RNF168: variants seen among roughly 807,000 people sequenced by gnomAD.
The protein encoded by RNF168 is E3 ubiquitin-protein ligase RNF168.
Under a neutral mutation model 34.9 loss-of-function variants are expected in RNF168, and 34 were observed. The observed-to-expected ratio is 0.97, with a 90% CI of 0.74 to 1.30. RNF168 has a LOEUF of 1.30. Ranked by LOEUF, RNF168 falls within the 50% of genes most tolerant of loss-of-function variation. The pLI, the probability that RNF168 is intolerant of heterozygous loss-of-function variation, is 0.00. For synonymous variants in RNF168, 264 were observed against 254.7 expected (o/e 1.04, Z -0.35); for missense variants, 725 against 682.5 (o/e 1.06, Z -0.69).
chr3:196,488,663 G>A lies in RNF168; in HGVS notation c.322C>T (p.Arg108Cys). The change falls in exon 2 of 6, where the codon CGT (arginine) becomes TGT (cysteine). Residue 108 changes from arginine (R) to cysteine (C), a missense_variant. Transcript: ENST00000318037. ...AGTTCCCCAGGTTTACTGAGCAGAC[G>A]AACTGGCTGATAGTCATCAGCTATT... Reference protein sequence around the residue: ...EEVADDYQPVRLLSKPGELRR... With the variant: ...EEVADDYQPVCLLSKPGELRR... 5 of 1,605,026 alleles carry A rather than the reference G, an allele frequency of 3.1e-6. No homozygotes were observed. Among genetic ancestry groups the A allele is most frequent in the East Asian group, 2.2e-5 (1 of 44,750 alleles).
At position 196,471,240 on chromosome 3, in the gene RNF168, C is replaced by CCCACATAT. The variant is rs2108643421; in HGVS notation, c.*571_*578dup. Reference sequence around the variant, plus strand: ...AAAAAAAAAAAAAAATCTGGGATTTCCCACATATGAATATGAATCCAAATT... The same window carrying CCCACATAT: ...AAAAAAAAAAAAAAATCTGGGATTTCCCACATATCCACATATGAATATGAATCCAAATT... On this transcript the variant is annotated 3_prime_UTR_variant, in exon 6 of 6. Coordinates refer to ENST00000318037, the MANE Select transcript of RNF168 (RefSeq NM_152617.4). 7.2e-6 allele frequency: 1 copy of CCCACATAT among 139,212 alleles called. No individual in the cohort carries two copies. Among genetic ancestry groups the CCCACATAT allele is most frequent in the South Asian group, 2.3e-4 (1 of 4,258 alleles). The allele number at this position is 139,212 out of a possible 1,614,324, so 8.6% of individuals were successfully genotyped here.
intron 3 of RNF168, among the ~76,000 whole-genome samples, chr3:196,485,547 T>C (rs1403162820): frequency 6.6e-6 from 1 of 152,038 alleles, no homozygotes; most frequent in Non-Finnish European, 1.5e-5. Flanking sequence ...ACTCTTATAA[T>C]ACCATGGGAA....
chr3:196,469,777 A>G lies in RNF168; in HGVS notation c.*2042T>C, dbSNP rs1731955118. The G allele has an allele frequency of 6.6e-6, 1 of 152,210 alleles. No homozygotes were observed. Among genetic ancestry groups the G allele is most frequent in the African/African-American group, 2.4e-5 (1 of 41,458 alleles). The allele number at this position is 152,210 out of a possible 1,614,324, so 9.4% of individuals were successfully genotyped here. Reference sequence around the variant, plus strand: ...AAGCAGTATCAACACAAATGATCATATAAGAAAACACGTGGTTATGTTTCA... The same window carrying G: ...AAGCAGTATCAACACAAATGATCATGTAAGAAAACACGTGGTTATGTTTCA... On this transcript the variant is annotated 3_prime_UTR_variant, in exon 6 of 6. Transcript: ENST00000318037.
intron 4 of RNF168, among the ~76,000 whole-genome samples, chr3:196,480,220 G>A (rs527745206): frequency 6.6e-6 from 1 of 152,164 alleles, no homozygotes; most frequent in East Asian, 1.9e-4. Context: ...TATGTTTGCT[G>A]CTCTGTGGTC....
chr3:196,487,290 T>C (rs1732453467), intron 3 of RNF168, 109 bp downstream of exon 3: 2 of 965,686 alleles, frequency 2.1e-6, no homozygotes, highest in African/African-American at 1.6e-5. Context: ...ACAATATTTG[T>C]GGGATGCAGA....
Position 196,495,407 on chromosome 3 carries a change from C to T in RNF168, c.302-6724G>A, listed in dbSNP as rs115874770. On this transcript the variant is annotated intron_variant, in intron 1 of 5. Coordinates refer to ENST00000318037, the MANE Select transcript of RNF168 (RefSeq NM_152617.4). ...AACAACCTTTGTCCTAATCCATGTT[C>T]TAATCCAGGGTCATGCACTGCATTT... 4.5e-3 allele frequency among the ~76,000 whole-genome samples: 678 copies of T among 152,328 alleles called. 2 individuals carry two copies. The highest frequency in any genetic ancestry group is 6.8e-3 in the Middle Eastern group (2 of 294).
chr3:196,475,135 T>C, intron 5 of RNF168, 96 bp downstream of exon 5: 4 of 767,294 alleles, frequency 5.2e-6, no homozygotes, highest in East Asian at 5.3e-5. Context: ...TGATTAACTA[T>C]AGGGGCTTTT....
chr3:196,496,673 C>A (rs983892075), intron 1 of RNF168, among the ~76,000 whole-genome samples: 2 of 152,220 alleles, frequency 1.3e-5, no homozygotes, highest in African/African-American at 2.4e-5. Flanking sequence ...AATCAAACTC[C>A]TAACAGGCTG....
In RNF168 at chr3:196,471,700, T is replaced by G; in HGVS notation, c.*119A>C. 4 of 759,894 alleles carry G rather than the reference T, an allele frequency of 5.3e-6. No individual in the cohort carries two copies. The highest frequency in any genetic ancestry group is 9.4e-6 in the Non-Finnish European group (4 of 427,220). The allele number at this position is 759,894 out of a possible 1,614,324, so 47.1% of individuals were successfully genotyped here. A position where few individuals can be genotyped will look rare whatever the true frequency, so the allele number is the denominator to read the frequency against. On this transcript the variant is annotated 3_prime_UTR_variant, in exon 6 of 6. Coordinates refer to ENST00000318037, the MANE Select transcript of RNF168 (RefSeq NM_152617.4). ...TCCTTACAATCACACAGACCTTCAT[T>G]AAGGACAATGAGTGTGCCTAGAGAG...
chr3:196,486,643 G>A (rs1296850703), intron 3 of RNF168, among the ~76,000 whole-genome samples: 1 of 152,246 alleles, frequency 6.6e-6, no homozygotes, highest in African/African-American at 2.4e-5. Context: ...CAAGAAAAAA[G>A]TTGTAAGAAA....
chr3:196,478,918 G>A (rs1407857074), intron 4 of RNF168, among the ~76,000 whole-genome samples: 2 of 151,244 alleles, frequency 1.3e-5, no homozygotes, highest in Non-Finnish European at 2.9e-5. Flanking sequence ...GGACAGCCAG[G>A]CTGGTCTTGA....
At position 196,469,675 on chromosome 3, in the gene RNF168, CTGATT is replaced by C. The variant is rs1191435449; in HGVS notation, c.*2139_*2143del. 1 of 152,156 alleles carries C rather than the reference CTGATT, an allele frequency of 6.6e-6. No individual in the cohort carries two copies. The highest frequency in any genetic ancestry group is 1.5e-5 in the Non-Finnish European group (1 of 68,020). The allele number at this position is 152,156 out of a possible 1,614,324, so 9.4% of individuals were successfully genotyped here. A position where few individuals can be genotyped will look rare whatever the true frequency, so the allele number is the denominator to read the frequency against. ...TTTCACAAAATGAAATCAGTGTCTT[CTGATT>C]TAACTTTCAGGAGTAAGAAAGGGCA... On this transcript the variant is annotated 3_prime_UTR_variant, in exon 6 of 6. Transcript: ENST00000318037.
At chr3:196,475,550 TTC>T (rs1345985167) in intron 4 of RNF168, among the ~76,000 whole-genome samples, 246 of 85,278 alleles carry the variant, frequency 2.9e-3, no homozygotes, top group African/African-American at 0.016. Flanking sequence ...TAAATATTTT[TTC>T]TTTTTTTTTT....
Position 196,503,154 on chromosome 3 carries a change from G to A in RNF168, c.20C>T (p.Ala7Val), listed in dbSNP as rs1732945504. The A allele has an allele frequency of 6.2e-7, 1 of 1,614,102 alleles. No homozygotes were observed. Among genetic ancestry groups the A allele is most frequent in the Non-Finnish European group, 8.5e-7 (1 of 1,179,970 alleles). The change falls in exon 1 of 6, where the codon GCC (alanine) becomes GTC (valine). Residue 7 changes from alanine to valine, a missense_variant. Coordinates refer to ENST00000318037, the MANE Select transcript of RNF168 (RefSeq NM_152617.4). MALPKDAIPSLSECQCG... is the reference protein window; with the variant it reads MALPKDVIPSLSECQCG... ...CTGGCACTCGGACAGCGAGGGGATG[G>A]CGTCTTTGGGTAGAGCCATTTCAAT...
intron 1 of RNF168, among the ~76,000 whole-genome samples, chr3:196,497,336 A>G (rs1268265355): frequency 1.3e-5 from 2 of 152,174 alleles, no homozygotes; most frequent in East Asian, 3.9e-4. Flanking sequence ...AACTTATACA[A>G]TATTCAAAAT....
rs929247609 is a variant in RNF168 at position 196,484,033 on chromosome 3, T to C, written c.559-142A>G. 15 of 680,268 alleles carry C rather than the reference T, an allele frequency of 2.2e-5. No individual in the cohort carries two copies. The Admixed American group carries it at 3.5e-4, about 16-fold the overall frequency. The allele number at this position is 680,268 out of a possible 1,614,324, so 42.1% of individuals were successfully genotyped here. On this transcript the variant is annotated intron_variant, in intron 3 of 5. Transcript: ENST00000318037. Reference sequence around the variant, plus strand: ...TAAATTCTGTACATCTCTTGAAGAATATTGACCATGCAAAAATCAGAATAA... The same window carrying C: ...TAAATTCTGTACATCTCTTGAAGAACATTGACCATGCAAAAATCAGAATAA...
chr3:196,497,337 T>C (rs1435317121), intron 1 of RNF168, among the ~76,000 whole-genome samples: 4 of 152,054 alleles, frequency 2.6e-5, no homozygotes, highest in African/African-American at 7.2e-5. Context: ...ACTTATACAA[T>C]ATTCAAAATT....
At chr3:196,486,306 AGT>A (rs2108649706) in intron 3 of RNF168, among the ~76,000 whole-genome samples, 1 of 152,328 alleles carries the variant, frequency 6.6e-6, no homozygotes, top group East Asian at 1.9e-4. Flanking sequence ...GCAGCAAAAC[AGT>A]GTGATTGCTT....
intron 1 of RNF168, among the ~76,000 whole-genome samples, chr3:196,494,239 T>C (rs1386707542): frequency 2.6e-5 from 4 of 152,228 alleles, no homozygotes; most frequent in Admixed American, 1.3e-4. Flanking sequence ...TTTTGCCATC[T>C]GTTGGAAACA....
Sources: gnomAD v4.1 joint callset for allele counts (sites outside exome capture counted in the v4.1 genomes callset) on GRCh38, gnomAD v4.1.1 for gene constraint, MANE v1.5 for transcripts, NCBI Gene and HGNC (gene_info 2026-07-23, HGNC 2026-07-21) for gene names.